The following GABRG3 variants were observed in gnomAD, a reference collection of about 807,000 sequenced individuals.
GABRG3 encodes gamma-aminobutyric acid type A receptor subunit gamma3.
Under a neutral mutation model 48.8 loss-of-function variants are expected in GABRG3, and 25 were observed. That is an observed-to-expected ratio of 0.51 (90% CI 0.37 to 0.72). The LOEUF (loss-of-function observed/expected upper bound fraction) is 0.72. Among genes scored for constraint, GABRG3 ranks in the 30% least tolerant of loss-of-function variants. GABRG3 has a pLI of 0.00. For synonymous variants in GABRG3, 227 were observed against 217.6 expected (o/e 1.04, Z -0.38); for missense variants, 394 against 577.9 (o/e 0.68, Z 3.26).
rs1366862600 is a variant in GABRG3 at position 26,971,384 on chromosome 15, G to A, written c.-152G>A. ...CCAGTGTGCGCCCCGCGGGGGCGCGGCCAGCGCCAGAGTAGATACCTGTCC... is the reference window on the plus strand; with the variant it reads ...CCAGTGTGCGCCCCGCGGGGGCGCGACCAGCGCCAGAGTAGATACCTGTCC... On this transcript the variant is annotated 5_prime_UTR_variant, in exon 1 of 10. Transcript: ENST00000615808. 4.2e-6 allele frequency: 2 copies of A among 479,498 alleles called. No individual in the cohort carries two copies. The highest frequency in any genetic ancestry group is 8.9e-5 in the South Asian group (1 of 11,210). The allele number at this position is 479,498 out of a possible 1,614,324, so 29.7% of individuals were successfully genotyped here. A position where few individuals can be genotyped will look rare whatever the true frequency, so the allele number is the denominator to read the frequency against.
In GABRG3 at chr15:27,520,027, C is replaced by T. The variant is rs766467935; in HGVS notation, c.768C>T (p.Phe256=). 6 of 1,585,706 alleles carry T rather than the reference C, an allele frequency of 3.8e-6. No individual in the cohort carries two copies. In the Admixed American group the frequency reaches 5.3e-5, roughly 14 times the overall value. The change falls in exon 7 of 10, where the codon TTC becomes TTT. Residue 256 remains phenylalanine, a synonymous_variant. Coordinates refer to ENST00000615808, the MANE Select transcript of GABRG3 (RefSeq NM_033223.5). The part of the protein sequence containing the change: ...YFELSRRMGY[F]TIQTYIPCIL... Reference sequence around the variant, plus strand: ...AATTGAGTAGAAGAATGGGATACTTCACCATTCAGACATACATTCCCTGTA... The same window carrying T: ...AATTGAGTAGAAGAATGGGATACTTTACCATTCAGACATACATTCCCTGTA...
intron 3 of GABRG3, among the ~76,000 whole-genome samples, chr15:27,202,680 G>A (rs996721161): frequency 2.0e-5 from 3 of 151,990 alleles, no homozygotes; most frequent in African/African-American, 4.8e-5. Flanking sequence ...TATTTCTTAC[G>A]TTAATTGGTC....
intron 3 of GABRG3, among the ~76,000 whole-genome samples, chr15:27,227,402 G>T (rs202082702): frequency 3.9e-5 from 6 of 152,094 alleles, no homozygotes; most frequent in East Asian, 3.9e-4. Flanking sequence ...GGAGGCTGAG[G>T]GGGGAGGATC....
chr15:27,271,695 G>C, intron 3 of GABRG3: 1 of 448,960 alleles, frequency 2.2e-6, no homozygotes, highest in South Asian at 1.6e-5. Flanking sequence ...GTGTGTGGTG[G>C]CTGGCACAGC....
chr15:27,359,771 C>T (rs948140659), intron 5 of GABRG3, among the ~76,000 whole-genome samples: 1 of 151,634 alleles, frequency 6.6e-6, no homozygotes, highest in Non-Finnish European at 1.5e-5. Context: ...TATTTTCATG[C>T]ATCTTCCTTG....
At chr15:27,397,092 A>T (rs1238658433) in intron 5 of GABRG3, among the ~76,000 whole-genome samples, 2 of 152,164 alleles carry the variant, frequency 1.3e-5, no homozygotes, top group African/African-American at 4.8e-5. Flanking sequence ...CATAAACTTT[A>T]AAAAAATCTG....
At chr15:27,449,048 G>GTCCA (rs1264208402) in intron 5 of GABRG3, among the ~76,000 whole-genome samples, 1 of 152,148 alleles carries the variant, frequency 6.6e-6, no homozygotes, top group African/African-American at 2.4e-5. Context: ...TGGGTGCCCT[G>GTCCA]TCCAAAATGT....
At chr15:27,502,588 G>A (rs907800061) in intron 6 of GABRG3, among the ~76,000 whole-genome samples, 1 of 152,074 alleles carries the variant, frequency 6.6e-6, no homozygotes, top group African/African-American at 2.4e-5. Flanking sequence ...AATCCTAAAG[G>A]TTGAGGGCTC....
intron 5 of GABRG3, among the ~76,000 whole-genome samples, chr15:27,459,269 C>T (rs936444969): frequency 1.3e-5 from 2 of 152,170 alleles, no homozygotes; most frequent in Non-Finnish European, 2.9e-5. Context: ...GCTGGGAGTC[C>T]CTGAGCATCA....
intron 5 of GABRG3, among the ~76,000 whole-genome samples, chr15:27,456,473 C>T (rs923262159): frequency 3.9e-5 from 6 of 151,922 alleles, no homozygotes; most frequent in Non-Finnish European, 8.8e-5. Context: ...AGGCACTGGG[C>T]CCCCCCGGGA....
rs114458744 is a variant in GABRG3 at position 27,233,278 on chromosome 15, G to A, written c.271-93531G>A. On this transcript the variant is annotated intron_variant, in intron 3 of 9. Transcript: ENST00000615808. ...TTTTATTTCGTGGAACCTTTCTAGC[G>A]AGCGTGAAAACCTTTCTAGCGAGCA... 2.5e-3 allele frequency among the ~76,000 whole-genome samples: 382 copies of A among 152,214 alleles called. 1 individual carries two copies. The highest frequency in any genetic ancestry group is 8.6e-3 in the African/African-American group (356 of 41,536).
chr15:27,506,026 T>G (rs1282212798), intron 6 of GABRG3, among the ~76,000 whole-genome samples: 1 of 152,246 alleles, frequency 6.6e-6, no homozygotes, highest in Non-Finnish European at 1.5e-5. Context: ...GCTGTAGAAT[T>G]ATTGGCATAG....
chr15:27,276,782 G>T (rs945538040), intron 3 of GABRG3, among the ~76,000 whole-genome samples: 2 of 152,160 alleles, frequency 1.3e-5, no homozygotes, highest in African/African-American at 4.8e-5. Flanking sequence ...GAAAACATTT[G>T]GACAAAGCAA....
intron 3 of GABRG3, among the ~76,000 whole-genome samples, chr15:27,263,150 C>G (rs1301832993): frequency 6.6e-6 from 1 of 152,090 alleles, no homozygotes; most frequent in African/African-American, 2.4e-5. Flanking sequence ...TGACAGTGAC[C>G]GTAAACTTCT....
intron 2 of GABRG3, among the ~76,000 whole-genome samples, chr15:27,007,571 A>T (rs888858293): frequency 6.6e-6 from 1 of 152,176 alleles, no homozygotes; most frequent in South Asian, 2.1e-4. Flanking sequence ...CAACCTCACC[A>T]GCATCTGTTA....
chr15:27,310,308 C>T (rs923060391), intron 3 of GABRG3, among the ~76,000 whole-genome samples: 1 of 151,926 alleles, frequency 6.6e-6, no homozygotes, highest in Non-Finnish European at 1.5e-5. Flanking sequence ...TATGGAAGGT[C>T]ATGCATGATA....
chr15:27,041,793 C>T (rs781129264), intron 3 of GABRG3, among the ~76,000 whole-genome samples: 1 of 152,118 alleles, frequency 6.6e-6, no homozygotes, highest in African/African-American at 2.4e-5. Context: ...GCTCTGAACT[C>T]CTCTCTAAGC....
At chr15:27,383,968 G>C (rs995261308) in intron 5 of GABRG3, among the ~76,000 whole-genome samples, 5 of 152,134 alleles carry the variant, frequency 3.3e-5, no homozygotes, top group African/African-American at 1.2e-4. Flanking sequence ...TATTTTTATT[G>C]ACTGTTCTTC....
intron 3 of GABRG3, among the ~76,000 whole-genome samples, chr15:27,298,579 C>A (rs530275399): frequency 3.4e-4 from 51 of 152,156 alleles, no homozygotes; most frequent in Admixed American, 2.0e-3. Context: ...GATATTTAAC[C>A]TTTTATTTGT....
Sources: allele counts gnomAD v4.1 joint callset (sites outside exome capture counted in the v4.1 genomes callset), GRCh38; gene constraint gnomAD v4.1.1; transcripts MANE v1.5; gene names NCBI Gene and HGNC (gene_info 2026-07-23, HGNC 2026-07-21).